CREM: variants seen among roughly 807,000 people sequenced by gnomAD.
CREM encodes cAMP responsive element modulator, also known as cAMP-responsive element modulator.
CREM carries 13 observed loss-of-function variants against 37.3 expected under a neutral mutation model. The observed-to-expected ratio is 0.35, with a 90% confidence interval of 0.23 to 0.55. The LOEUF is 0.55. Among genes scored for constraint, CREM ranks in the 20% least tolerant of loss-of-function variants. CREM has a pLI of 0.88. For synonymous variants in CREM, 124 were observed against 120.2 expected (o/e 1.03, Z -0.21); for missense variants, 296 against 362.3 (o/e 0.82, Z 1.49).
intron 3 of CREM, among the ~76,000 whole-genome samples, chr10:35,164,849 A>G (rs2093460653): frequency 6.6e-6 from 1 of 152,182 alleles, no homozygotes; most frequent in Non-Finnish European, 1.5e-5. Context: ...CAGGAGTTCG[A>G]GACGAGCCTG....
chr10:35,167,476 C>A (rs115669429), intron 3 of CREM: 505 of 478,124 alleles, frequency 1.1e-3, no homozygotes, highest in African/African-American at 9.1e-3. Flanking sequence ...GAATGCAGGC[C>A]TAGTAGCTTT....
chr10:35,188,568 A>C (rs1273300044), intron 6 of CREM, 180 bp downstream of exon 6: 13 of 487,128 alleles, frequency 2.7e-5, no homozygotes, highest in African/African-American at 4.0e-5. Context: ...AAGTTTTATC[A>C]TTTTTCGCCT....
intron 3 of CREM, chr10:35,167,663 C>A (rs982200802): frequency 6.6e-7 from 1 of 1,520,626 alleles, no homozygotes; most frequent in Non-Finnish European, 9.1e-7. Context: ...ATAAGGCTGT[C>A]AATTGCATCA....
chr10:35,185,188 C>T (rs536493845), intron 5 of CREM, among the ~76,000 whole-genome samples: 137 of 151,938 alleles, frequency 9.0e-4, no homozygotes, highest in Admixed American at 1.4e-3. Context: ...CCGCAACCCC[C>T]GCCTCCCAGA....
intron 4 of CREM, 27 bp from the exon 5 acceptor site, chr10:35,179,107 G>A (rs760555673): frequency 1.9e-6 from 3 of 1,590,506 alleles, no homozygotes; most frequent in Non-Finnish European, 2.6e-6. Flanking sequence ...GTATCTTAGT[G>A]ACTTACCTTG....
chr10:35,131,425 C>T (rs988148806), intron 1 of CREM, among the ~76,000 whole-genome samples: 1 of 151,956 alleles, frequency 6.6e-6, no homozygotes, highest in Non-Finnish European at 1.5e-5. Context: ...TATTCTTAAT[C>T]TCAATTTTTT....
intron 6 of CREM, among the ~76,000 whole-genome samples, chr10:35,197,664 A>G (rs926148263): frequency 1.3e-5 from 2 of 152,118 alleles, no homozygotes; most frequent in Non-Finnish European, 2.9e-5. Context: ...TCACCGTGTT[A>G]GCCAGAATGG....
chr10:35,169,909 G>A (rs1032028092), intron 3 of CREM, among the ~76,000 whole-genome samples: 2 of 151,240 alleles, frequency 1.3e-5, no homozygotes, highest in African/African-American at 4.9e-5. Context: ...TGATTTGCAT[G>A]TGTTGAACCA....
intron 3 of CREM, among the ~76,000 whole-genome samples, chr10:35,155,396 A>AGT (rs1459787645): frequency 2.6e-5 from 4 of 152,110 alleles, no homozygotes; most frequent in Non-Finnish European, 5.9e-5. Flanking sequence ...ATGGGTATGG[A>AGT]GTTTCAGATT....
rs550988503 is a variant in CREM, at chr10:35,145,325, T to C, written c.45-3043T>C. Among the ~76,000 whole-genome samples the C allele has an allele frequency of 3.3e-5, 5 of 152,232 alleles. No homozygotes were observed. The South Asian group carries it at 8.3e-4, about 25-fold the overall frequency. ...AATCACCTATTCTGTTTCCCAGATA[T>C]CCTCTGTACTTTCCTCCCTCTCATA... On this transcript the variant is annotated intron_variant, in intron 2 of 7. Coordinates refer to ENST00000685392, the MANE Select transcript of CREM (RefSeq NM_183011.2).
At chr10:35,207,769 C>T (rs2095568757) in intron 7 of CREM, among the ~76,000 whole-genome samples, 1 of 146,960 alleles carries the variant, frequency 6.8e-6, no homozygotes, top group African/African-American at 2.5e-5. Flanking sequence ...GAGACTCCGT[C>T]TTAAAAAAAA....
At chr10:35,186,962 T>C (rs1213622107) in intron 5 of CREM, among the ~76,000 whole-genome samples, 1 of 94,558 alleles carries the variant, frequency 1.1e-5, no homozygotes, top group African/African-American at 4.4e-5. Flanking sequence ...TATATAAATA[T>C]ATAATTTATA....
At chr10:35,185,820 G>C (rs1002064094) in intron 5 of CREM, among the ~76,000 whole-genome samples, 10 of 152,316 alleles carry the variant, frequency 6.6e-5, no homozygotes, top group African/African-American at 2.4e-4. Flanking sequence ...ACACTGGCCT[G>C]TCAGTGAAAT....
At chr10:35,172,995 A>G (rs2093893803) in intron 3 of CREM, among the ~76,000 whole-genome samples, 1 of 152,232 alleles carries the variant, frequency 6.6e-6, no homozygotes, top group African/African-American at 2.4e-5. Flanking sequence ...TGAGCTTGAC[A>G]ATATTCATAG....
chr10:35,138,656 A>G (rs972538161), intron 2 of CREM, among the ~76,000 whole-genome samples: 1 of 151,554 alleles, frequency 6.6e-6, no homozygotes, highest in Non-Finnish European at 1.5e-5. Context: ...CCACCTGAGT[A>G]GCTGGGATTA....
At chr10:35,198,784 A>G (rs1469767460) in intron 6 of CREM, among the ~76,000 whole-genome samples, 1 of 152,266 alleles carries the variant, frequency 6.6e-6, no homozygotes, top group Non-Finnish European at 1.5e-5. Flanking sequence ...ATGCATGAGA[A>G]TAAGGATATA....
chr10:35,141,914 G>C (rs1363525470), intron 2 of CREM, among the ~76,000 whole-genome samples: 1 of 152,074 alleles, frequency 6.6e-6, no homozygotes, highest in Non-Finnish European at 1.5e-5. Context: ...AGAACGCTGA[G>C]ACAGTGTTCA....
intron 6 of CREM, 25 bp from the exon 7 acceptor site, chr10:35,206,870 C>T: frequency 6.2e-7 from 1 of 1,611,096 alleles, no homozygotes; most frequent in South Asian, 1.1e-5. Flanking sequence ...TTTATATAAG[C>T]TCAAAATATT....
At chr10:35,158,380 C>A in intron 3 of CREM, 1 of 257,176 alleles carries the variant, frequency 3.9e-6, no homozygotes, top group Non-Finnish European at 7.7e-6. Flanking sequence ...TTTCCAAGGC[C>A]CACAGGCAGA....
Sources: gnomAD v4.1 joint callset for allele counts (sites outside exome capture counted in the v4.1 genomes callset) on GRCh38, gnomAD v4.1.1 for gene constraint, MANE v1.5 for transcripts, NCBI Gene and HGNC (gene_info 2026-07-23, HGNC 2026-07-21) for gene names.